Variants in CGNL1 observed in about 807,000 individuals in gnomAD.
The protein encoded by CGNL1 is cingulin like 1, also known as cingulin-like protein 1.
A neutral mutation model predicts 141.2 loss-of-function variants in CGNL1; 132 were observed. The observed-to-expected ratio is 0.93, with a 90% confidence interval of 0.81 to 1.08. The LOEUF (loss-of-function observed/expected upper bound fraction) is 1.08, where lower values mean the gene tolerates loss of function less well. CGNL1 is among the 50% of genes least tolerant of loss of function. CGNL1 has a pLI of 0.00. For missense variants in CGNL1, 1,870 were observed against 1,588.6 expected (o/e 1.18, Z -3.01); for synonymous variants, 690 against 622.1 (o/e 1.11, Z -1.63).
chr15:57,530,484 T>G (rs1030128040), intron 13 of CGNL1, among the ~76,000 whole-genome samples: 19 of 152,204 alleles, frequency 1.2e-4, no homozygotes, highest in Non-Finnish European at 2.5e-4. Flanking sequence ...CTTAAATTAA[T>G]TTTCAAGACT....
chr15:57,438,673 A>T lies in CGNL1; in HGVS notation c.674A>T (p.Glu225Val), dbSNP rs150998105. Reference protein sequence around the residue: ...AIRLCSSVVIEDPKKQTSVCV... With the variant: ...AIRLCSSVVIVDPKKQTSVCV... ...CGTTTATGCAGCTCCGTGGTCATAG[A>T]GGACCCCAAAAAGCAGACCTCAGTG... The change falls in exon 2 of 19, where the codon GAG becomes GTG. Residue 225 changes from glutamate (E) to valine (V), a missense_variant. Physicochemically the swap from Glu to Val is moderately radical, Grantham distance 121 (BLOSUM62 -2). Transcript: ENST00000281282. 5.6e-6 allele frequency: 9 copies of T among 1,614,054 alleles called. No individual in the cohort carries two copies. Among genetic ancestry groups the T allele is most frequent in the Admixed American group, 5.0e-5 (3 of 60,002 alleles).
chr15:57,512,654 A>G (rs978208530), intron 8 of CGNL1, among the ~76,000 whole-genome samples: 5 of 152,204 alleles, frequency 3.3e-5, no homozygotes, highest in Admixed American at 6.5e-5. Flanking sequence ...AAACATCACA[A>G]TTCAGTCCAG....
chr15:57,435,926 A>G (rs1473171261), intron 1 of CGNL1, among the ~76,000 whole-genome samples: 2 of 152,214 alleles, frequency 1.3e-5, no homozygotes, highest in African/African-American at 4.8e-5. Context: ...TATATTTAAA[A>G]AGGAAGAAAT....
chr15:57,396,655 A>G (rs1238600997), intron 1 of CGNL1, among the ~76,000 whole-genome samples: 1 of 152,152 alleles, frequency 6.6e-6, no homozygotes, highest in Non-Finnish European at 1.5e-5. Context: ...CTGGGTCTTA[A>G]TAGGTGTGGA....
At chr15:57,379,653 C>T (rs1595637300) in intron 1 of CGNL1, among the ~76,000 whole-genome samples, 1 of 152,020 alleles carries the variant, frequency 6.6e-6, no homozygotes, top group Non-Finnish European at 1.5e-5. Context: ...CACTAAAGGG[C>T]GGTGGCATGG....
chr15:57,524,562 C>T lies in CGNL1; in HGVS notation c.2869-19C>T. 1 of 1,606,976 alleles carries T rather than the reference C, an allele frequency of 6.2e-7. No individual in the cohort carries two copies. Among genetic ancestry groups the T allele is most frequent in the Non-Finnish European group, 8.5e-7 (1 of 1,176,878 alleles). On this transcript the variant is annotated intron_variant, in intron 11 of 18. Coordinates refer to ENST00000281282, the MANE Select transcript of CGNL1 (RefSeq NM_032866.5). Reference sequence around the variant, plus strand: ...CAGAGCATCCCAGGGTGGGCTCACACCCGTGTCACTTCTTCTAGATGGCAG... The same window carrying T: ...CAGAGCATCCCAGGGTGGGCTCACATCCGTGTCACTTCTTCTAGATGGCAG...
intron 1 of CGNL1, among the ~76,000 whole-genome samples, chr15:57,400,629 T>A (rs1183316807): frequency 6.6e-6 from 1 of 152,136 alleles, no homozygotes; most frequent in African/African-American, 2.4e-5. Flanking sequence ...ATGCCTGTAA[T>A]CTCAGCATTT....
At chr15:57,396,540 T>G (rs1459734162) in intron 1 of CGNL1, among the ~76,000 whole-genome samples, 1 of 152,232 alleles carries the variant, frequency 6.6e-6, no homozygotes, top group South Asian at 2.1e-4. Context: ...CCCAAAGTGC[T>G]GGGATTATAG....
At chr15:57,469,853 T>C (rs1181868713) in intron 8 of CGNL1, among the ~76,000 whole-genome samples, 1 of 152,212 alleles carries the variant, frequency 6.6e-6, no homozygotes, top group Non-Finnish European at 1.5e-5. Context: ...CCTTCCCTCT[T>C]TCCTGCCAAT....
At chr15:57,484,051 CT>C in intron 8 of CGNL1, among the ~76,000 whole-genome samples, 1 of 152,006 alleles carries the variant, frequency 6.6e-6, no homozygotes, top group East Asian at 1.9e-4. Flanking sequence ...GCTTATAGTC[CT>C]TTTTTCATGT....
chr15:57,501,585 G>A (rs541026963), intron 8 of CGNL1, among the ~76,000 whole-genome samples: 8 of 152,334 alleles, frequency 5.3e-5, no homozygotes, highest in African/African-American at 1.7e-4. Flanking sequence ...TGGCCATAGA[G>A]GGAGAGAAGA....
At chr15:57,539,388 G>T (rs1423549392) in intron 14 of CGNL1, among the ~76,000 whole-genome samples, 1 of 152,018 alleles carries the variant, frequency 6.6e-6, no homozygotes, top group Non-Finnish European at 1.5e-5. Context: ...TCCACTTGCT[G>T]GGTGGCTGCT....
At chr15:57,461,241 A>G (rs1266919619) in intron 7 of CGNL1, among the ~76,000 whole-genome samples, 1 of 152,190 alleles carries the variant, frequency 6.6e-6, no homozygotes, top group Admixed American at 6.5e-5. Flanking sequence ...AGTACGAGGA[A>G]TGTGGATGAA....
At chr15:57,401,127 A>T (rs1298920144) in intron 1 of CGNL1, among the ~76,000 whole-genome samples, 2 of 151,880 alleles carry the variant, frequency 1.3e-5, no homozygotes, top group Non-Finnish European at 2.9e-5. Context: ...TATACTTTCT[A>T]TGGCTGTGTA....
chr15:57,484,718 C>T lies in CGNL1; in HGVS notation c.2403+22826C>T, dbSNP rs143623215. On this transcript the variant is annotated intron_variant, in intron 8 of 18. Transcript: ENST00000281282. Reference sequence around the variant, plus strand: ...CTTCTAATGAGCTTCCTCCCCTTACCCCCCAATCCACTGACAGGCCCCGGT... The same window carrying T: ...CTTCTAATGAGCTTCCTCCCCTTACTCCCCAATCCACTGACAGGCCCCGGT... Among the ~76,000 whole-genome samples the T allele has an allele frequency of 1.8e-3, 271 of 152,140 alleles. 1 individual carries two copies. Among genetic ancestry groups the T allele is most frequent in the African/African-American group, 6.2e-3 (258 of 41,520 alleles).
At chr15:57,506,606 G>A (rs1414796947) in intron 8 of CGNL1, among the ~76,000 whole-genome samples, 2 of 152,134 alleles carry the variant, frequency 1.3e-5, no homozygotes, top group Non-Finnish European at 2.9e-5. Flanking sequence ...TCCCTTCCCT[G>A]GCTGGCTCTG....
chr15:57,385,415 T>G (rs6493925), intron 1 of CGNL1, among the ~76,000 whole-genome samples: 43,241 of 151,922 alleles, frequency 0.28, 7,681 homozygotes, highest in East Asian at 0.56. Flanking sequence ...CATGCCTGCA[T>G]TCCCAGCTTG....
intron 8 of CGNL1, among the ~76,000 whole-genome samples, chr15:57,463,533 G>A (rs1011642623): frequency 3.9e-5 from 6 of 152,226 alleles, no homozygotes; most frequent in Non-Finnish European, 7.3e-5. Flanking sequence ...GCACCGGGAA[G>A]CTAACACAAA....
intron 1 of CGNL1, among the ~76,000 whole-genome samples, chr15:57,417,225 C>CTTCCT (rs1327244215): frequency 6.6e-6 from 1 of 151,980 alleles, no homozygotes; most frequent in Non-Finnish European, 1.5e-5. Context: ...ACTGCCCTTT[C>CTTCCT]TTCCTTTCCT....
Sources: gnomAD v4.1 joint callset for allele counts (sites outside exome capture counted in the v4.1 genomes callset) on GRCh38, gnomAD v4.1.1 for gene constraint, MANE v1.5 for transcripts, NCBI Gene and HGNC (gene_info 2026-07-23, HGNC 2026-07-21) for gene names.